The following FTCDNL1 variants were observed in gnomAD, a reference collection of about 807,000 sequenced individuals.
FTCDNL1 encodes the protein formiminotransferase N-terminal subdomain-containing protein.
FTCDNL1 carries 11 observed loss-of-function variants against 5.9 expected under a neutral mutation model. The observed-to-expected ratio is 1.87, with a 90% CI of 1.18 to 3.10. The LOEUF is 3.10. Ranked by LOEUF, FTCDNL1 falls within the 30% of genes most tolerant of loss-of-function variation. The pLI is 0.00. For synonymous variants in FTCDNL1, 58 were observed against 24.8 expected (o/e 2.34, Z -3.99); for missense variants, 115 against 65.5 (o/e 1.76, Z -2.61).
the FTCDNL1 span, among the ~76,000 whole-genome samples, chr2:199,676,436 G>T: frequency 6.6e-6 from 1 of 151,910 alleles, no homozygotes. Context: ...AATCAAAAAT[G>T]TTGGGGGCCA....
the FTCDNL1 span, among the ~76,000 whole-genome samples, chr2:199,704,911 T>C: frequency 2.0e-5 from 3 of 152,170 alleles, no homozygotes; most frequent in Admixed American, 6.5e-5. Context: ...AAACAAGGAT[T>C]GAAACAATTC....
chr2:199,712,831 T>C, the FTCDNL1 span, among the ~76,000 whole-genome samples: 2 of 152,184 alleles, frequency 1.3e-5, no homozygotes, highest in Admixed American at 6.5e-5. Flanking sequence ...CATTGTCTTC[T>C]TATAAGGACA....
intron 2 of FTCDNL1, among the ~76,000 whole-genome samples, chr2:199,846,515 T>C (rs1418043881): frequency 6.6e-6 from 1 of 152,202 alleles, no homozygotes; most frequent in African/African-American, 2.4e-5. Flanking sequence ...TCCTGTTCCT[T>C]ATCAATCTCA....
At chr2:199,818,201 A>G (rs535406649) in intron 4 of FTCDNL1, among the ~76,000 whole-genome samples, 2 of 152,304 alleles carry the variant, frequency 1.3e-5, no homozygotes, top group East Asian at 3.9e-4. Flanking sequence ...GTCTTTAGGG[A>G]GGCTCAAATT....
chr2:199,777,866 T>C (rs959231567), intron 3 of FTCDNL1, among the ~76,000 whole-genome samples: 2 of 152,096 alleles, frequency 1.3e-5, no homozygotes, highest in Non-Finnish European at 2.9e-5. Context: ...TTTCTTATCC[T>C]GCATGTCTAA....
At chr2:199,773,645 C>T (rs1306979061) in intron 3 of FTCDNL1, among the ~76,000 whole-genome samples, 2 of 152,182 alleles carry the variant, frequency 1.3e-5, no homozygotes, top group African/African-American at 4.8e-5. Flanking sequence ...TAGAGGGACA[C>T]CTGCACTTAG....
intron 3 of FTCDNL1, among the ~76,000 whole-genome samples, chr2:199,822,375 G>A (rs1701749143): frequency 6.6e-6 from 1 of 152,184 alleles, no homozygotes; most frequent in South Asian, 2.1e-4. Context: ...CTGTACTCCA[G>A]CCTTGGTGAC....
At chr2:199,756,998 A>T (rs984969529), downstream of FTCDNL1, among the ~76,000 whole-genome samples, 18 of 152,232 alleles carry the variant, frequency 1.2e-4, no homozygotes, top group Admixed American at 1.2e-3. Context: ...GTTTCTCCTG[A>T]CTTCAACAAG....
chr2:199,711,526 G>A, the FTCDNL1 span, among the ~76,000 whole-genome samples: 2 of 152,038 alleles, frequency 1.3e-5, no homozygotes, highest in Admixed American at 1.3e-4. Flanking sequence ...TTGATATTGG[G>A]TTGTTATGGA....
the FTCDNL1 span, among the ~76,000 whole-genome samples, chr2:199,739,887 TAGA>T: frequency 3.3e-5 from 5 of 152,294 alleles, no homozygotes; most frequent in South Asian, 4.1e-4. Context: ...ACGTTGTGTG[TAGA>T]AGAACTTCAG....
At chr2:199,766,364 ACAT>A in intron 3 of FTCDNL1, among the ~76,000 whole-genome samples, 1 of 152,220 alleles carries the variant, frequency 6.6e-6, no homozygotes, top group Non-Finnish European at 1.5e-5. Context: ...CTGAACTGAG[ACAT>A]CATCATAGCC....
the FTCDNL1 span, among the ~76,000 whole-genome samples, chr2:199,715,116 A>G: frequency 6.6e-6 from 1 of 152,106 alleles, no homozygotes; most frequent in African/African-American, 2.4e-5. Flanking sequence ...TAATTAAAAA[A>G]CAAAAAAAAG....
At chr2:199,814,606 A>G (rs150791754) in intron 4 of FTCDNL1, among the ~76,000 whole-genome samples, 1 of 152,316 alleles carries the variant, frequency 6.6e-6, no homozygotes, top group East Asian at 1.9e-4. Context: ...AGGTTTTTCA[A>G]TAATAGAACA....
At chr2:199,836,702 G>A (rs1373599435) in intron 3 of FTCDNL1, among the ~76,000 whole-genome samples, 2 of 152,094 alleles carry the variant, frequency 1.3e-5, no homozygotes, top group African/African-American at 4.8e-5. Flanking sequence ...GAAGGTCAAG[G>A]CTACAGTGAG....
At chr2:199,775,676 C>T (rs753268841) in intron 3 of FTCDNL1, among the ~76,000 whole-genome samples, 1 of 152,102 alleles carries the variant, frequency 6.6e-6, no homozygotes, top group Non-Finnish European at 1.5e-5. Context: ...CTCCACTGTT[C>T]CCCCTCTTTC....
At chr2:199,791,915 T>C (rs1699947020) in intron 3 of FTCDNL1, among the ~76,000 whole-genome samples, 1 of 152,128 alleles carries the variant, frequency 6.6e-6, no homozygotes, top group Non-Finnish European at 1.5e-5. Flanking sequence ...TTGTATATAG[T>C]ATCACCTTTT....
intron 3 of FTCDNL1, among the ~76,000 whole-genome samples, chr2:199,772,822 C>T (rs79961184): frequency 0.028 from 4,299 of 152,268 alleles, 202 homozygotes; most frequent in African/African-American, 0.097. Flanking sequence ...AAACCACTTC[C>T]GCTTCTCCTT....
chr2:199,726,519 A>G, the FTCDNL1 span, among the ~76,000 whole-genome samples: 3 of 152,120 alleles, frequency 2.0e-5, no homozygotes, highest in East Asian at 1.9e-4. Flanking sequence ...TCTCATCTTC[A>G]TAGGTTTATC....
At chr2:199,788,282 G>A (rs1699757450) in intron 3 of FTCDNL1, among the ~76,000 whole-genome samples, 4 of 152,184 alleles carry the variant, frequency 2.6e-5, no homozygotes, top group Admixed American at 2.6e-4. Flanking sequence ...GCATGAAGCA[G>A]GGGCTGGCAT....
Sources: allele counts gnomAD v4.1 joint callset (sites outside exome capture counted in the v4.1 genomes callset), GRCh38; gene constraint gnomAD v4.1.1; transcripts MANE v1.5; gene names NCBI Gene and HGNC (gene_info 2026-07-23, HGNC 2026-07-21).